Variants in PRSS12 observed in about 807,000 individuals in gnomAD.
PRSS12 encodes neurotrypsin.
In PRSS12, 85 loss-of-function variants were observed where a neutral mutation model predicts 104.4. That is an observed-to-expected ratio of 0.81 (90% CI 0.68 to 0.98). The LOEUF (loss-of-function observed/expected upper bound fraction) is 0.98. Among genes scored for constraint, PRSS12 ranks in the 50% least tolerant of loss-of-function variants. The probability of loss-of-function intolerance (pLI) is 0.00; values close to 1 mark genes in which losing one functional copy is unlikely to be tolerated. For missense variants in PRSS12, 1,141 were observed against 1,139.2 expected, an observed-to-expected ratio of 1.00 and a Z score of -0.02; for synonymous variants, 454 against 425.2, an observed-to-expected ratio of 1.07 and a Z score of -0.83.
intron 4 of PRSS12, 78 bp downstream of exon 4, chr4:118,331,638 A>C (rs1250509856): frequency 1.9e-6 from 3 of 1,580,044 alleles, no homozygotes; most frequent in Non-Finnish European, 2.6e-6. Flanking sequence ...GTGCAATTTA[A>C]ACAAACAGCA....
intron 7 of PRSS12, among the ~76,000 whole-genome samples, chr4:118,312,475 AT>A (rs570306424): frequency 7.9e-4 from 112 of 141,342 alleles, no homozygotes; most frequent in African/African-American, 3.0e-3. Context: ...TCATTCATAT[AT>A]ATTCTGCCCT....
intron 6 of PRSS12, among the ~76,000 whole-genome samples, chr4:118,314,309 CTTT>C (rs34959325): frequency 1.3e-5 from 2 of 151,812 alleles, no homozygotes; most frequent in African/African-American, 4.8e-5. Context: ...GAATTTTCTT[CTTT>C]TTTTATGCAA....
chr4:118,292,243 C>T (rs1030936951), intron 11 of PRSS12, among the ~76,000 whole-genome samples: 3 of 152,086 alleles, frequency 2.0e-5, no homozygotes, highest in Non-Finnish European at 2.9e-5. Flanking sequence ...ATGTTGAACA[C>T]GACAAAGATA....
chr4:118,331,817 T>C lies in PRSS12; in HGVS notation c.870A>G (p.Glu290=), dbSNP rs1330297735. ...CAGCATGGTAGAGCTCCACCCGGCC[T>C]TCATGCACACTGCTGCCTCCAGCAA... The part of the protein sequence containing the change: ...IRLAGGSSVH[E]GRVELYHAGQ... The change falls in exon 4 of 13, where the codon GAA becomes GAG. Residue 290 remains glutamate (E), a synonymous_variant. Coordinates refer to ENST00000296498, the MANE Select transcript of PRSS12 (RefSeq NM_003619.4). 1 of 1,614,202 alleles carries C rather than the reference T, an allele frequency of 6.2e-7. No homozygotes were observed. Among genetic ancestry groups the C allele is most frequent in the Non-Finnish European group, 8.5e-7 (1 of 1,180,028 alleles).
At chr4:118,337,530 A>G (rs1724090086) in intron 2 of PRSS12, among the ~76,000 whole-genome samples, 1 of 152,168 alleles carries the variant, frequency 6.6e-6, no homozygotes, top group Admixed American at 6.5e-5. Context: ...GTTACAGTGG[A>G]GCCAGTTCCC....
intron 7 of PRSS12, among the ~76,000 whole-genome samples, chr4:118,311,685 T>G (rs1296163822): frequency 6.6e-6 from 1 of 152,204 alleles, no homozygotes; most frequent in Non-Finnish European, 1.5e-5. Context: ...AGATTCATAA[T>G]AGTGATCATA....
intron 4 of PRSS12, among the ~76,000 whole-genome samples, chr4:118,323,834 T>C (rs1409724694): frequency 2.6e-5 from 4 of 151,688 alleles, no homozygotes; most frequent in South Asian, 4.2e-4. Context: ...CACACACACA[T>C]GCACACACAT....
At chr4:118,311,600 T>C (rs970330080) in intron 7 of PRSS12, among the ~76,000 whole-genome samples, 3 of 152,208 alleles carry the variant, frequency 2.0e-5, no homozygotes, top group Admixed American at 2.0e-4. Flanking sequence ...CCCAAAAGGA[T>C]ATTTGGCTCA....
At chr4:118,329,128 C>T (rs1723857733) in intron 4 of PRSS12, among the ~76,000 whole-genome samples, 1 of 152,072 alleles carries the variant, frequency 6.6e-6, no homozygotes, top group Non-Finnish European at 1.5e-5. Context: ...CAGGATCTGG[C>T]TATACTGCCC....
intron 11 of PRSS12, among the ~76,000 whole-genome samples, chr4:118,287,114 A>G (rs1021401107): frequency 2.0e-5 from 3 of 152,124 alleles, no homozygotes. Context: ...TTGTTAGTTC[A>G]TATGTATATA....
At chr4:118,297,707 C>T (rs1395544768) in intron 9 of PRSS12, among the ~76,000 whole-genome samples, 2 of 152,048 alleles carry the variant, frequency 1.3e-5, no homozygotes, top group African/African-American at 4.8e-5. Context: ...TACAGGTGCA[C>T]CTGATTTTAA....
intron 9 of PRSS12, 135 bp downstream of exon 9, chr4:118,298,598 T>A (rs1743312633): frequency 2.1e-6 from 2 of 973,534 alleles, no homozygotes; most frequent in Admixed American, 2.0e-5. Flanking sequence ...AACTACCGGA[T>A]CTAAGTAATA....
At chr4:118,346,404 A>G (rs1724355286) in intron 1 of PRSS12, among the ~76,000 whole-genome samples, 1 of 151,696 alleles carries the variant, frequency 6.6e-6, no homozygotes, top group African/African-American at 2.4e-5. Context: ...AATGTATTAT[A>G]TATAAATTTC....
At chr4:118,345,833 C>T (rs1040358599) in intron 1 of PRSS12, among the ~76,000 whole-genome samples, 2 of 152,132 alleles carry the variant, frequency 1.3e-5, no homozygotes, top group Non-Finnish European at 2.9e-5. Context: ...GGACAAGTCC[C>T]AACCATACTC....
In PRSS12 at chr4:118,313,225, C is replaced by CG. The variant is rs1560774247; in HGVS notation, c.1464dup (p.Gly489ArgfsTer20). On this transcript the variant is annotated frameshift_variant, in exon 7 of 13. Transcript: ENST00000296498. LOFTEE classifies it high-confidence loss of function. The stretch of plus-strand genomic sequence containing the variant: ...CCCAGAGAGAGCCTGTGTCCCTCGC[C>CG]GCCAGGGTAGCAGGCAATGCTAACA... The CG allele has an allele frequency of 6.2e-7, 1 of 1,613,748 alleles. No individual in the cohort carries two copies. Among genetic ancestry groups the CG allele is most frequent in the Non-Finnish European group, 8.5e-7 (1 of 1,179,970 alleles).
At chr4:118,299,764 TTAAATA>T (rs1180760459) in intron 8 of PRSS12, among the ~76,000 whole-genome samples, 13,047 of 82,040 alleles carry the variant, frequency 0.16, 1,446 homozygotes, top group South Asian at 0.26. Flanking sequence ...ATAAATAAAA[TTAAATA>T]AAATAAAATA....
At chr4:118,320,996 A>C (rs372693769) in intron 4 of PRSS12, among the ~76,000 whole-genome samples, 1 of 152,206 alleles carries the variant, frequency 6.6e-6, no homozygotes. Flanking sequence ...TCCTGGCACT[A>C]TCTGATACTT....
chr4:118,308,708 G>C (rs886430688), intron 7 of PRSS12, 131 bp from the exon 8 acceptor site: 7 of 1,265,982 alleles, frequency 5.5e-6, no homozygotes, highest in Non-Finnish European at 7.9e-6. Flanking sequence ...TTTTTTGAGA[G>C]AGAGGAGATA....
At chr4:118,348,920 A>G (rs1424965579) in intron 1 of PRSS12, among the ~76,000 whole-genome samples, 1 of 151,944 alleles carries the variant, frequency 6.6e-6, no homozygotes, top group African/African-American at 2.4e-5. Context: ...CCAAAGTGCT[A>G]GGATTACAAG....
Sources: gnomAD v4.1 joint callset for allele counts (sites outside exome capture counted in the v4.1 genomes callset) on GRCh38, gnomAD v4.1.1 for gene constraint, MANE v1.5 for transcripts, NCBI Gene and HGNC (gene_info 2026-07-23, HGNC 2026-07-21) for gene names.